SLC6A7: variants seen among roughly 807,000 people sequenced by gnomAD.
The protein encoded by SLC6A7 is sodium-dependent proline transporter.
A neutral mutation model predicts 73.1 loss-of-function variants in SLC6A7; 58 were observed. The observed-to-expected ratio is 0.79, with a 90% CI of 0.64 to 0.99. The LOEUF is 0.99. Ranked by LOEUF, SLC6A7 falls within the 50% of genes least tolerant of loss-of-function variation. SLC6A7 has a pLI of 0.00. For missense variants in SLC6A7, 783 were observed against 831.4 expected, an observed-to-expected ratio of 0.94 and a Z score of 0.72; for synonymous variants, 338 against 338.7, an observed-to-expected ratio of 1.00 and a Z score of 0.02.
intron 13 of SLC6A7, among the ~76,000 whole-genome samples, chr5:150,208,552 G>T (rs1050028512): frequency 6.6e-6 from 1 of 152,170 alleles, no homozygotes; most frequent in African/African-American, 2.4e-5. Flanking sequence ...TGAGCAGTGG[G>T]GTAGCATGCG....
intron 1 of SLC6A7, 129 bp from the exon 2 acceptor site, chr5:150,194,599 C>G: frequency 1.4e-6 from 1 of 717,032 alleles, no homozygotes; most frequent in Non-Finnish European, 2.4e-6. Flanking sequence ...CAGTTGAGAG[C>G]ACTTGATTAT....
intron 2 of SLC6A7, 61 bp downstream of exon 2, chr5:150,194,972 A>G: frequency 6.7e-7 from 1 of 1,490,926 alleles, no homozygotes; most frequent in Non-Finnish European, 9.2e-7. Context: ...CCTGGGGTAC[A>G]GTGAGCTTTT....
At chr5:150,201,587 T>G (rs143475341) in intron 6 of SLC6A7, among the ~76,000 whole-genome samples, 14 of 152,312 alleles carry the variant, frequency 9.2e-5, no homozygotes, top group African/African-American at 3.4e-4. Context: ...CTTCATTTAT[T>G]ATTATTAACA....
chr5:150,202,464 A>G lies in SLC6A7; in HGVS notation c.962+14A>G, dbSNP rs1753432484. On this transcript the variant is annotated intron_variant, in intron 7 of 13. Coordinates refer to ENST00000230671, the MANE Select transcript of SLC6A7 (RefSeq NM_014228.5). ...GAACATCTATAGGTCAGTGTCCCAC[A>G]GCCTCCCAGACCCTGGGGTCCAAAG... 1 of 1,611,952 alleles carries G rather than the reference A, an allele frequency of 6.2e-7. No homozygotes were observed. Among genetic ancestry groups the G allele is most frequent in the South Asian group, 1.1e-5 (1 of 91,040 alleles).
Position 150,201,103 on chromosome 5 carries a change from G to A in SLC6A7, c.738G>A (p.Thr246=), listed in dbSNP as rs137988576. ...TCATCTCTCAGGTGGTGTATTTCAC[G>A]GCCACGTTCCCCTACCTCATCCTGC... ...VKSSGKVVYF[T]ATFPYLILLM... Residue 246 remains threonine (T), a synonymous_variant, in exon 6 of 14, where the codon ACG becomes ACA. Transcript: ENST00000230671. The A allele has an allele frequency of 2.6e-3, 4,202 of 1,613,704 alleles. 5 individuals are homozygous for A. Among genetic ancestry groups the A allele is most frequent in the Non-Finnish European group, 3.3e-3 (3,902 of 1,179,806 alleles).
chr5:150,198,091 G>GAAAC (rs761151730), intron 4 of SLC6A7, among the ~76,000 whole-genome samples: 2 of 105,174 alleles, frequency 1.9e-5, no homozygotes, highest in African/African-American at 7.2e-5. Context: ...AAGAAAGAAA[G>GAAAC]AAAGAAAGAA....
intron 1 of SLC6A7, among the ~76,000 whole-genome samples, chr5:150,191,959 A>C (rs549162873): frequency 3.2e-4 from 48 of 151,888 alleles, no homozygotes; most frequent in Admixed American, 8.5e-4. Context: ...CACTTTATAA[A>C]TAAGGCAACT....
intron 3 of SLC6A7, 78 bp downstream of exon 3, chr5:150,196,925 C>T: frequency 6.5e-7 from 1 of 1,546,834 alleles, no homozygotes; most frequent in Non-Finnish European, 8.8e-7. Flanking sequence ...AGAACCCCTG[C>T]CAGCTCCAGG....
intron 1 of SLC6A7, among the ~76,000 whole-genome samples, chr5:150,191,306 G>T (rs1752772058): frequency 6.6e-6 from 1 of 152,086 alleles, no homozygotes; most frequent in Non-Finnish European, 1.5e-5. Flanking sequence ...AGGGGCTGGT[G>T]TTATCAACCT....
At chr5:150,203,817 T>TG (rs1554116773) in intron 9 of SLC6A7, 38 bp downstream of exon 9, 108 of 1,426,910 alleles carry the variant, frequency 7.6e-5, no homozygotes, top group African/African-American at 3.3e-4. Context: ...CCCGTGTGTG[T>TG]GTGGTGTGTG....
chr5:150,203,401 A>G (rs550861874), intron 8 of SLC6A7, among the ~76,000 whole-genome samples: 95 of 152,352 alleles, frequency 6.2e-4, no homozygotes, highest in African/African-American at 2.3e-3. Context: ...TATTTGTACC[A>G]ATAATTGTAT....
At chr5:150,200,840 G>A (rs1324310694) in intron 5 of SLC6A7, among the ~76,000 whole-genome samples, 1 of 152,182 alleles carries the variant, frequency 6.6e-6, no homozygotes, top group African/African-American at 2.4e-5. Context: ...ACGGGGAGGA[G>A]GAGGCTTTTA....
Position 150,194,851 on chromosome 5 carries a change from T to C in SLC6A7, c.157T>C (p.Tyr53His). The C allele has an allele frequency of 6.2e-7, 1 of 1,614,180 alleles. No individual in the cohort carries two copies. The highest frequency in any genetic ancestry group is 8.5e-7 in the Non-Finnish European group (1 of 1,180,022). The change falls in exon 2 of 14, where the codon TAC (tyrosine) becomes CAC (histidine). Residue 53 changes from tyrosine (Y) to histidine (H), a missense_variant. Coordinates refer to ENST00000230671, the MANE Select transcript of SLC6A7 (RefSeq NM_014228.5). ...KLDFLLSCIG[Y>H]CVGLGNVWRF... ...GGACTTCCTGCTGTCCTGCATTGGC[T>C]ACTGTGTAGGCCTGGGGAATGTCTG...
In SLC6A7 at chr5:150,194,844, C is replaced by T; in HGVS notation, c.150C>T (p.Cys50=). 1 of 1,614,186 alleles carries T rather than the reference C, an allele frequency of 6.2e-7. No homozygotes were observed. Among genetic ancestry groups the T allele is most frequent in the Non-Finnish European group, 8.5e-7 (1 of 1,180,022 alleles). Reference sequence around the variant, plus strand: ...GCAAGCTGGACTTCCTGCTGTCCTGCATTGGCTACTGTGTAGGCCTGGGGA... The same window carrying T: ...GCAAGCTGGACTTCCTGCTGTCCTGTATTGGCTACTGTGTAGGCCTGGGGA... The part of the protein sequence containing the change: ...WTGKLDFLLS[C]IGYCVGLGNV... The change falls in exon 2 of 14, where the codon TGC becomes TGT. Residue 50 remains cysteine, a synonymous_variant. Coordinates refer to ENST00000230671, the MANE Select transcript of SLC6A7 (RefSeq NM_014228.5).
chr5:150,206,100 A>G (rs915703396), intron 13 of SLC6A7, among the ~76,000 whole-genome samples: 1 of 152,210 alleles, frequency 6.6e-6, no homozygotes, highest in Non-Finnish European at 1.5e-5. Context: ...ACAAACAGAG[A>G]GAGTGCACTC....
rs1168281738 is a variant in SLC6A7, at chr5:150,202,982, G to T, written c.1087+279G>T. On this transcript the variant is annotated intron_variant, in intron 8 of 13. Transcript: ENST00000230671. ...CCCAGTACTCAGGAGGCTGAGGCAG[G>T]AGAATCGCTTGAACCCGGGAGGTGG... Among the ~76,000 whole-genome samples the T allele has an allele frequency of 3.3e-5, 5 of 152,178 alleles. No individual in the cohort carries two copies. In the East Asian group the frequency reaches 9.7e-4, roughly 29 times the overall value.
chr5:150,191,576 G>A (rs1361417938), intron 1 of SLC6A7, among the ~76,000 whole-genome samples: 4 of 152,038 alleles, frequency 2.6e-5, no homozygotes, highest in African/African-American at 4.8e-5. Context: ...GACTATAGGC[G>A]CCCGCCACCA....
intron 4 of SLC6A7, among the ~76,000 whole-genome samples, chr5:150,198,107 GAAAGAAAGAGAAAGAA>G (rs1753155893): frequency 9.9e-6 from 1 of 101,384 alleles, no homozygotes; most frequent in Non-Finnish European, 2.2e-5. Flanking sequence ...AAGAAAGAAA[GAAAGAAAGAGAAAGAA>G]AGAAAGAAAG....
Position 150,194,773 on chromosome 5 carries a change from G to A in SLC6A7, c.79G>A (p.Val27Ile), listed in dbSNP as rs201896345. ...GATGACCCCCAGTGACCAGGGCGAT[G>A]TCGACCTGGATGTGGACTTTGCTGC... ...LLMTPSDQGD[V>I]DLDVDFAAHR... Residue 27 changes from valine to isoleucine, a missense_variant, in exon 2 of 14, where the codon GTC becomes ATC. By Grantham distance (29) the Val-to-Ile change is conservative (BLOSUM62 3). Coordinates refer to ENST00000230671, the MANE Select transcript of SLC6A7 (RefSeq NM_014228.5). The A allele has an allele frequency of 4.0e-5, 65 of 1,613,988 alleles. No homozygotes were observed. Among genetic ancestry groups the A allele is most frequent in the Admixed American group, 5.0e-5 (3 of 59,994 alleles).
Sources: allele counts gnomAD v4.1 joint callset (sites outside exome capture counted in the v4.1 genomes callset), GRCh38; gene constraint gnomAD v4.1.1; transcripts MANE v1.5; gene names NCBI Gene and HGNC (gene_info 2026-07-23, HGNC 2026-07-21).